The following NHSL2 variants were observed in gnomAD, a reference collection of about 807,000 sequenced individuals.
NHSL2 encodes NHS-like protein 2.
In NHSL2, 27 loss-of-function variants were observed where a neutral mutation model predicts 53.4. The ratio of observed to expected loss-of-function variants is 0.51; its 90% CI spans 0.37 to 0.70. The LOEUF (loss-of-function observed/expected upper bound fraction) is 0.70, where lower values mean the gene tolerates loss of function less well. Among genes scored for constraint, NHSL2 ranks in the 30% least tolerant of loss-of-function variants. The pLI is 0.00. For synonymous variants in NHSL2, 408 were observed against 404.1 expected (o/e 1.01, Z -0.12); for missense variants, 892 against 980.1 (o/e 0.91, Z 1.20).
At chrX:71,938,944 C>T (rs1376402243) in intron 1 of NHSL2, among the ~76,000 whole-genome samples, 1 of 112,611 alleles carries the variant, frequency 8.9e-6, no homozygotes, top group Non-Finnish European at 1.9e-5. Flanking sequence ...GCAAAACAGA[C>T]AATGTCCCTG....
intron 1 of NHSL2, among the ~76,000 whole-genome samples, chrX:72,046,926 G>A (rs1443651137): frequency 1.8e-5 from 2 of 111,386 alleles, no homozygotes; most frequent in Non-Finnish European, 3.8e-5. Flanking sequence ...TAACAACAGA[G>A]TTGTGCAGAT....
At chrX:72,059,180 T>C (rs2042385933) in intron 1 of NHSL2, among the ~76,000 whole-genome samples, 1 of 110,948 alleles carries the variant, frequency 9.0e-6, no homozygotes, top group Non-Finnish European at 1.9e-5. Context: ...GCACCACCCA[T>C]TCTATCTCCA....
At chrX:72,031,847 G>A (rs1288210220) in intron 1 of NHSL2, among the ~76,000 whole-genome samples, 1 of 111,380 alleles carries the variant, frequency 9.0e-6, no homozygotes, top group Non-Finnish European at 1.9e-5. Context: ...CTCAAGGGAA[G>A]TTGCAAAAAA....
At position 72,143,548 on chromosome X, in the gene NHSL2, G is replaced by A. The variant is rs928141332; in HGVS notation, c.3652G>A (p.Glu1218Lys). 4 of 1,159,813 alleles carry A rather than the reference G, an allele frequency of 3.4e-6. No individual in the cohort carries two copies. The highest frequency in any genetic ancestry group is 4.6e-6 in the Non-Finnish European group (4 of 868,546). The change falls in exon 8 of 8, where the codon GAA (glutamate) becomes AAA (lysine). Residue 1218 changes from glutamate to lysine, a missense_variant. Physicochemically the swap from Glu to Lys is moderately conservative, Grantham distance 56. Transcript: ENST00000633930. The part of the protein sequence containing the change: ...RIIAQFSKDY[E>K]TTDNPST ...TATTGCACAATTTTCAAAAGACTAT[G>A]AAACCACCGATAACCCCAGTACCTA...
chrX:72,088,770 AAAAG>A (rs1431750909), intron 1 of NHSL2, among the ~76,000 whole-genome samples: 1 of 112,378 alleles, frequency 8.9e-6, no homozygotes, highest in East Asian at 2.8e-4. Flanking sequence ...ATAATAAAAA[AAAAG>A]AAAGGAAAAA....
rs983117056 is a variant in NHSL2 at position 71,933,604 on chromosome X, C to G, written c.280+22237C>G. Among the ~76,000 whole-genome samples the G allele has an allele frequency of 2.7e-5, 3 of 111,853 alleles. No homozygotes were observed. In the East Asian group the frequency reaches 8.4e-4, roughly 31 times the overall value. ...CATTTATTAGCTGTATGATCTTAGG[C>G]AAGTTGCTCAGTGTCTCTAAGTGGA... is the stretch of plus-strand genomic sequence containing the variant. On this transcript the variant is annotated intron_variant, in intron 1 of 7. Coordinates refer to ENST00000633930, the MANE Select transcript of NHSL2 (RefSeq NM_001013627.3).
intron 1 of NHSL2, among the ~76,000 whole-genome samples, chrX:72,061,013 A>G (rs2147938663): frequency 9.0e-6 from 1 of 111,487 alleles, no homozygotes; most frequent in East Asian, 2.8e-4. Flanking sequence ...TTATTTTTCT[A>G]TTTCCAAATA....
intron 1 of NHSL2, among the ~76,000 whole-genome samples, chrX:71,919,521 C>G (rs2041646350): frequency 8.9e-6 from 1 of 111,915 alleles, no homozygotes; most frequent in Admixed American, 9.4e-5. Flanking sequence ...CTATGAATTG[C>G]AGCCATTCTT....
At chrX:71,994,445 C>T (rs748932991) in intron 1 of NHSL2, among the ~76,000 whole-genome samples, 1 of 109,400 alleles carries the variant, frequency 9.1e-6, no homozygotes, top group East Asian at 2.9e-4. Flanking sequence ...CGCAGGGAGC[C>T]CCTGAGCAGA....
At chrX:72,066,250 T>C (rs6625938) in intron 1 of NHSL2, among the ~76,000 whole-genome samples, 6,024 of 111,095 alleles carry the variant, frequency 0.054, 216 homozygotes, top group East Asian at 0.27. Flanking sequence ...ACTCAGTGAA[T>C]GCGTAGGGGA....
At chrX:72,042,754 CAAAA>C (rs5902691) in intron 1 of NHSL2, among the ~76,000 whole-genome samples, 54 of 94,916 alleles carry the variant, frequency 5.7e-4, no homozygotes, top group Non-Finnish European at 4.9e-4. Context: ...ATCCCTGAGC[CAAAA>C]AAAAAAAAAA....
At chrX:71,935,128 C>A (rs1569464115) in intron 1 of NHSL2, among the ~76,000 whole-genome samples, 1 of 112,308 alleles carries the variant, frequency 8.9e-6, no homozygotes. Context: ...GGACCTCACA[C>A]AGCACCATTC....
In NHSL2 at chrX:72,139,941, G is replaced by T. The variant is rs373742483; in HGVS notation, c.2393G>T (p.Arg798Leu). 7.5e-6 allele frequency: 9 copies of T among 1,207,465 alleles called. No homozygotes were observed. The African/African-American group carries it at 1.6e-4, about 21-fold the overall frequency. Residue 798 changes from arginine to leucine, a missense_variant, in exon 6 of 8, where the codon CGG becomes CTG. Transcript: ENST00000633930. Reference protein sequence around the residue: ...ISIRSKTKVSRHHSETNFGVK... With the variant: ...ISIRSKTKVSLHHSETNFGVK... ...ATCCGAAGCAAAACTAAGGTGAGTC[G>T]GCACCACTCAGAGACAAATTTTGGC...
chrX:72,028,480 C>G (rs1211639028), intron 1 of NHSL2, among the ~76,000 whole-genome samples: 1 of 111,828 alleles, frequency 8.9e-6, no homozygotes, highest in Non-Finnish European at 1.9e-5. Flanking sequence ...TATTGGTGCC[C>G]GTCACTGGTG....
At chrX:71,969,232 A>C (rs1405838771) in intron 1 of NHSL2, among the ~76,000 whole-genome samples, 1 of 104,391 alleles carries the variant, frequency 9.6e-6, no homozygotes, top group African/African-American at 3.5e-5. Flanking sequence ...GAAGTAAGAA[A>C]TTTTTACTTC....
At chrX:72,047,449 A>G (rs752504860) in intron 1 of NHSL2, among the ~76,000 whole-genome samples, 1 of 112,203 alleles carries the variant, frequency 8.9e-6, no homozygotes, top group East Asian at 2.8e-4. Context: ...AGCAATGGCT[A>G]TGGCCCAGGA....
rs144734921 is a variant in NHSL2 at position 71,920,060 on chromosome X, G to A, written c.280+8693G>A. Among the ~76,000 whole-genome samples the A allele has an allele frequency of 4.5e-3, 511 of 112,314 alleles. 2 individuals are homozygous for A. The highest frequency in any genetic ancestry group is 0.016 in the African/African-American group (497 of 30,946). On this transcript the variant is annotated intron_variant, in intron 1 of 7. Coordinates refer to ENST00000633930, the MANE Select transcript of NHSL2 (RefSeq NM_001013627.3). Reference sequence around the variant, plus strand: ...CTAAGCGTGTTTCAGTAAAGTACTGGGCAGTTTGCCTGAGGGCCCAGCATG... The same window carrying A: ...CTAAGCGTGTTTCAGTAAAGTACTGAGCAGTTTGCCTGAGGGCCCAGCATG...
At chrX:71,938,083 A>G (rs765362748) in intron 1 of NHSL2, among the ~76,000 whole-genome samples, 2 of 112,379 alleles carry the variant, frequency 1.8e-5, no homozygotes, top group Admixed American at 9.4e-5. Flanking sequence ...ACGTCCCTAC[A>G]AGGCACAGTG....
At chrX:72,031,087 T>C (rs1159779908) in intron 1 of NHSL2, among the ~76,000 whole-genome samples, 1 of 112,178 alleles carries the variant, frequency 8.9e-6, no homozygotes, top group Non-Finnish European at 1.9e-5. Flanking sequence ...GCTTACATAA[T>C]TTAACACTCG....
Sources: gnomAD v4.1 joint callset for allele counts (sites outside exome capture counted in the v4.1 genomes callset) on GRCh38, gnomAD v4.1.1 for gene constraint, MANE v1.5 for transcripts, NCBI Gene and HGNC (gene_info 2026-07-23, HGNC 2026-07-21) for gene names.